The following NELL1 variants were observed in gnomAD, a reference collection of about 807,000 sequenced individuals.
NELL1 encodes protein kinase C-binding protein NELL1.
In NELL1, 76 loss-of-function variants were observed where a neutral mutation model predicts 107.4. The ratio of observed to expected loss-of-function variants is 0.71; its 90% CI spans 0.59 to 0.86. The LOEUF is 0.86. NELL1 is among the 40% of genes least tolerant of loss of function. NELL1 has a pLI of 0.00. For missense variants in NELL1, 1,024 were observed against 1,005.5 expected, an observed-to-expected ratio of 1.02 and a Z score of -0.25; for synonymous variants, 353 against 341.2, an observed-to-expected ratio of 1.03 and a Z score of -0.38.
intron 3 of NELL1, among the ~76,000 whole-genome samples, chr11:20,786,216 A>T (rs1050305782): frequency 2.0e-5 from 3 of 151,600 alleles, no homozygotes; most frequent in African/African-American, 7.3e-5. Context: ...TGGGTGTGGT[A>T]GTGCATGCCT....
chr11:20,745,232 T>C (rs986464273), intron 2 of NELL1, among the ~76,000 whole-genome samples: 3 of 152,214 alleles, frequency 2.0e-5, no homozygotes, highest in Non-Finnish European at 2.9e-5. Context: ...ATTTGTTTTT[T>C]GTCCAGCCAT....
At chr11:21,314,428 T>C (rs1322922738) in intron 14 of NELL1, among the ~76,000 whole-genome samples, 3 of 152,182 alleles carry the variant, frequency 2.0e-5, no homozygotes, top group Non-Finnish European at 4.4e-5. Flanking sequence ...TTAGTAATGA[T>C]GCCATAGAAC....
At chr11:21,086,864 C>A (rs1010836653) in intron 12 of NELL1, among the ~76,000 whole-genome samples, 2 of 136,640 alleles carry the variant, frequency 1.5e-5, no homozygotes, top group African/African-American at 5.5e-5. Flanking sequence ...CGGAGTCTCA[C>A]TCTGTCGCCC....
intron 3 of NELL1, among the ~76,000 whole-genome samples, chr11:20,785,378 G>A (rs1032989314): frequency 2.6e-4 from 39 of 152,224 alleles, no homozygotes; most frequent in African/African-American, 7.5e-4. Flanking sequence ...ATATGGGTTC[G>A]TTCAAAGGTG....
chr11:21,030,223 G>A (rs1037427450), intron 12 of NELL1, among the ~76,000 whole-genome samples: 24 of 152,178 alleles, frequency 1.6e-4, no homozygotes, highest in Admixed American at 1.6e-3. Flanking sequence ...CATGTCGGAT[G>A]TAGGAACTGT....
chr11:20,813,465 G>A (rs1857547726), intron 3 of NELL1, among the ~76,000 whole-genome samples: 1 of 9,886 alleles, frequency 1.0e-4, no homozygotes, highest in African/African-American at 1.4e-4. Flanking sequence ...TGAAGAGGAC[G>A]TGATAAAAAA....
chr11:21,500,303 C>T (rs144685044), intron 15 of NELL1, among the ~76,000 whole-genome samples: 24 of 151,980 alleles, frequency 1.6e-4, no homozygotes, highest in African/African-American at 5.8e-4. Flanking sequence ...CTTATTTATG[C>T]CACAATGGAT....
At chr11:20,940,548 C>T (rs1196098270) in intron 10 of NELL1, among the ~76,000 whole-genome samples, 1 of 152,030 alleles carries the variant, frequency 6.6e-6, no homozygotes, top group Non-Finnish European at 1.5e-5. Context: ...TGCACCTGGC[C>T]CCTTGGGCTT....
intron 2 of NELL1, among the ~76,000 whole-genome samples, chr11:20,744,619 G>GC (rs1855963931): frequency 6.6e-6 from 1 of 152,224 alleles, no homozygotes; most frequent in Non-Finnish European, 1.5e-5. Flanking sequence ...GAATGATGGG[G>GC]CAGCACATAC....
chr11:21,219,577 C>T (rs1448271950), intron 13 of NELL1, among the ~76,000 whole-genome samples: 4 of 152,118 alleles, frequency 2.6e-5, no homozygotes, highest in African/African-American at 9.7e-5. Context: ...AGCATTTTCC[C>T]TATGTTTTCT....
chr11:21,303,256 A>G (rs1849537156), intron 14 of NELL1, among the ~76,000 whole-genome samples: 1 of 152,058 alleles, frequency 6.6e-6, no homozygotes, highest in African/African-American at 2.4e-5. Flanking sequence ...TATCTAAAAC[A>G]TATGAATGCA....
chr11:21,214,322 T>G (rs976545740), intron 13 of NELL1, among the ~76,000 whole-genome samples: 1 of 152,148 alleles, frequency 6.6e-6, no homozygotes, highest in African/African-American at 2.4e-5. Context: ...GCTCAACCTA[T>G]ATGTAAATAT....
At chr11:20,727,049 A>G (rs1432164579) in intron 2 of NELL1, among the ~76,000 whole-genome samples, 1 of 152,176 alleles carries the variant, frequency 6.6e-6, no homozygotes, top group Admixed American at 6.5e-5. Context: ...TAGTGCCGCA[A>G]TAAACCTCTG....
chr11:21,048,177 T>C (rs997382085), intron 12 of NELL1, among the ~76,000 whole-genome samples: 4 of 152,106 alleles, frequency 2.6e-5, no homozygotes, highest in South Asian at 2.1e-4. Context: ...ATAGGAGCTA[T>C]TGGTAGTTTT....
At position 21,422,578 on chromosome 11, in the gene NELL1, GT is replaced by G. The variant is rs1272755367; in HGVS notation, c.1645+51637del. 2.6e-5 allele frequency among the ~76,000 whole-genome samples: 4 copies of G among 152,044 alleles called. 1 individual carries two copies. Among genetic ancestry groups the G allele is most frequent in the Admixed American group, 6.6e-5 (1 of 15,258 alleles). ...TGAGGAGGAAGCTGTAAATAAAAAA[GT>G]TTTTTTATGTTATTGGAGTGAAGCT... On this transcript the variant is annotated intron_variant, in intron 15 of 19. Transcript: ENST00000357134.
chr11:21,484,295 C>T (rs1315833433), intron 15 of NELL1, among the ~76,000 whole-genome samples: 1 of 151,530 alleles, frequency 6.6e-6, no homozygotes, highest in East Asian at 1.9e-4. Flanking sequence ...TCTCCTTATG[C>T]CCCGAGAAAC....
chr11:21,416,030 A>G (rs950930114), intron 15 of NELL1, among the ~76,000 whole-genome samples: 3 of 152,044 alleles, frequency 2.0e-5, no homozygotes, highest in Non-Finnish European at 4.4e-5. Context: ...CAATTGAAGT[A>G]TGCATTGTTT....
rs1448697739 is a variant in NELL1 at position 20,970,094 on chromosome 11, TCC to T, written c.1300+9535_1300+9536del. ...ATCCATCCATCCATCCATCCATCCA[TCC>T]GTACTCTGAACATAGAGATATATCT... On this transcript the variant is annotated intron_variant, in intron 12 of 19. Coordinates refer to ENST00000357134, the MANE Select transcript of NELL1 (RefSeq NM_006157.5). Among the ~76,000 whole-genome samples the T allele has an allele frequency of 3.2e-3, 479 of 151,084 alleles. 2 individuals are homozygous for T. Among genetic ancestry groups the T allele is most frequent in the African/African-American group, 0.011 (465 of 41,316 alleles).
chr11:21,124,469 C>A (rs1590659098), intron 13 of NELL1, among the ~76,000 whole-genome samples: 2 of 152,256 alleles, frequency 1.3e-5, no homozygotes, highest in South Asian at 2.1e-4. Context: ...ATTCAGGCAG[C>A]TGTAATGAAA....
Sources: gnomAD v4.1 joint callset for allele counts (sites outside exome capture counted in the v4.1 genomes callset) on GRCh38, gnomAD v4.1.1 for gene constraint, MANE v1.5 for transcripts, NCBI Gene and HGNC (gene_info 2026-07-23, HGNC 2026-07-21) for gene names.